Variants in PCDH15 observed in about 807,000 individuals in gnomAD.
The protein encoded by PCDH15 is protocadherin-15.
A neutral mutation model predicts 178.5 loss-of-function variants in PCDH15; 129 were observed. The observed-to-expected ratio is 0.72, with a 90% CI of 0.63 to 0.84. The LOEUF is 0.84. Ranked by LOEUF, PCDH15 falls within the 40% of genes least tolerant of loss-of-function variation. The probability of loss-of-function intolerance (pLI) is 0.00; values close to 1 mark genes in which losing one functional copy is unlikely to be tolerated. For synonymous variants in PCDH15, 800 were observed against 732.0 expected, an observed-to-expected ratio of 1.09 and a Z score of -1.50; for missense variants, 2,230 against 2,099.9, an observed-to-expected ratio of 1.06 and a Z score of -1.21.
At chr10:55,367,647 T>C (rs927682318) in intron 2 of PCDH15, among the ~76,000 whole-genome samples, 1 of 152,016 alleles carries the variant, frequency 6.6e-6, no homozygotes, top group African/African-American at 2.4e-5. Flanking sequence ...TTCAGAGATT[T>C]CTATTTTAAC....
At chr10:55,490,231 C>G (rs746795282) in intron 2 of PCDH15, among the ~76,000 whole-genome samples, 3 of 151,800 alleles carry the variant, frequency 2.0e-5, no homozygotes, top group Middle Eastern at 3.4e-3. Context: ...TTTTGCCACA[C>G]TTAGGAGGCA....
intron 23 of PCDH15, among the ~76,000 whole-genome samples, chr10:53,953,341 A>G (rs2087275209): frequency 6.6e-6 from 1 of 152,364 alleles, no homozygotes; most frequent in South Asian, 2.1e-4. Flanking sequence ...TAAAAGATTG[A>G]TGTGAAAAGG....
chr10:54,070,278 A>G (rs1273909221), intron 17 of PCDH15, among the ~76,000 whole-genome samples: 1 of 151,782 alleles, frequency 6.6e-6, no homozygotes, highest in Non-Finnish European at 1.5e-5. Flanking sequence ...ATCTCTGCTC[A>G]CTGCAACCTC....
chr10:53,894,135 G>A lies in PCDH15; in HGVS notation c.3501+9108C>T, dbSNP rs181862118. 8.0e-4 allele frequency among the ~76,000 whole-genome samples: 122 copies of A among 152,138 alleles called. 4 individuals are homozygous for A. The highest frequency in any genetic ancestry group is 2.8e-3 in the African/African-American group (116 of 41,484). On this transcript the variant is annotated intron_variant, in intron 26 of 37. Coordinates refer to ENST00000644397, the MANE Select transcript of PCDH15 (RefSeq NM_001384140.1). ...AATATATAATGTCTTTAAGTTGATG[G>A]GAAAACATAATGTCTGCTTAGATGA...
intron 20 of PCDH15, among the ~76,000 whole-genome samples, chr10:54,004,863 G>GA (rs34265770): frequency 1.8e-4 from 26 of 145,716 alleles, no homozygotes; most frequent in South Asian, 6.4e-4. Flanking sequence ...TAAACAAAAG[G>GA]AAAAAAAAAA....
chr10:54,035,229 GCA>G (rs1219488809), intron 18 of PCDH15, among the ~76,000 whole-genome samples: 1 of 151,816 alleles, frequency 6.6e-6, no homozygotes, highest in East Asian at 1.9e-4. Context: ...AAGTTTACAG[GCA>G]CACTCTGTTT....
At chr10:54,700,704 G>T (rs935699908) in intron 1 of PCDH15, among the ~76,000 whole-genome samples, 1 of 152,046 alleles carries the variant, frequency 6.6e-6, no homozygotes, top group Non-Finnish European at 1.5e-5. Context: ...TGAGAACTAT[G>T]GGATTATGTA....
chr10:54,541,311 A>G (rs2085194806), intron 2 of PCDH15, among the ~76,000 whole-genome samples: 1 of 152,200 alleles, frequency 6.6e-6, no homozygotes, highest in African/African-American at 2.4e-5. Context: ...TTGAGGATAC[A>G]AATTCAATCT....
chr10:54,846,828 C>A (rs74138805), intron 3 of PCDH15, among the ~76,000 whole-genome samples: 4 of 151,816 alleles, frequency 2.6e-5, no homozygotes, highest in Non-Finnish European at 4.4e-5. Flanking sequence ...CCTGACTAAC[C>A]CTTAAGGAAA....
intron 2 of PCDH15, among the ~76,000 whole-genome samples, chr10:55,555,254 A>G (rs971337464): frequency 6.6e-6 from 1 of 152,084 alleles, no homozygotes. Context: ...GCTTATCCCT[A>G]TCTTCAAAGC....
chr10:54,917,767 G>T (rs1166142252), intron 2 of PCDH15, among the ~76,000 whole-genome samples: 1 of 152,130 alleles, frequency 6.6e-6, no homozygotes, highest in African/African-American at 2.4e-5. Context: ...CCATAAAAAT[G>T]GGGAAGGTTC....
chr10:54,434,088 C>T (rs1366698107), intron 3 of PCDH15, among the ~76,000 whole-genome samples: 2 of 151,870 alleles, frequency 1.3e-5, no homozygotes, highest in Non-Finnish European at 2.9e-5. Context: ...ATACATTTAA[C>T]AAAATAAAAA....
At chr10:54,306,497 A>C (rs1166164505) in intron 8 of PCDH15, among the ~76,000 whole-genome samples, 2 of 151,534 alleles carry the variant, frequency 1.3e-5, no homozygotes, top group Non-Finnish European at 2.9e-5. Context: ...AGTTTGCCAG[A>C]ATCCTCAGTT....
chr10:54,658,086 T>C (rs1015322496), intron 2 of PCDH15, among the ~76,000 whole-genome samples: 4 of 151,712 alleles, frequency 2.6e-5, no homozygotes, highest in African/African-American at 9.7e-5. Context: ...CACACAAATA[T>C]AAAGAAAAAA....
chr10:54,317,214 G>T, intron 8 of PCDH15, 57 bp downstream of exon 8: 2 of 1,541,002 alleles, frequency 1.3e-6, no homozygotes, highest in Non-Finnish European at 1.8e-6. Context: ...ACTTGAACAT[G>T]ATCCCATTGG....
intron 18 of PCDH15, among the ~76,000 whole-genome samples, chr10:54,057,637 T>C (rs1270350115): frequency 1.3e-5 from 2 of 152,162 alleles, no homozygotes. Flanking sequence ...CTGCCATGAA[T>C]GTCTCTGAGA....
chr10:54,592,962 A>G (rs1457649200), intron 2 of PCDH15, among the ~76,000 whole-genome samples: 1 of 152,090 alleles, frequency 6.6e-6, no homozygotes, highest in Non-Finnish European at 1.5e-5. Flanking sequence ...TCATCTACCT[A>G]TTGACCTGTC....
chr10:54,303,142 G>A (rs902242099), intron 8 of PCDH15, among the ~76,000 whole-genome samples: 5 of 152,056 alleles, frequency 3.3e-5, no homozygotes, highest in African/African-American at 1.2e-4. Context: ...TTGACTGAGA[G>A]GAACTTCCAC....
At chr10:55,558,454 T>A (rs1370411175) in intron 2 of PCDH15, among the ~76,000 whole-genome samples, 6 of 152,134 alleles carry the variant, frequency 3.9e-5, no homozygotes, top group African/African-American at 1.4e-4. Context: ...CTGAACAAGA[T>A]CCTGCGCAAT....
Sources: gnomAD v4.1 joint callset for allele counts (sites outside exome capture counted in the v4.1 genomes callset) on GRCh38, gnomAD v4.1.1 for gene constraint, MANE v1.5 for transcripts, NCBI Gene and HGNC (gene_info 2026-07-23, HGNC 2026-07-21) for gene names.